Variants in MRPL19 observed in about 807,000 individuals in gnomAD.
MRPL19 encodes the protein mitochondrial ribosomal protein L19.
MRPL19 carries 31 observed loss-of-function variants against 34.0 expected under a neutral mutation model. That is an observed-to-expected ratio of 0.91 (90% CI 0.68 to 1.23). The LOEUF (loss-of-function observed/expected upper bound fraction) is 1.23, where lower values mean the gene tolerates loss of function less well. Ranked by LOEUF, MRPL19 falls within the 50% of genes most tolerant of loss-of-function variation. The pLI, the probability that MRPL19 is intolerant of heterozygous loss-of-function variation, is 0.00. For synonymous variants in MRPL19, 152 were observed against 127.7 expected (o/e 1.19, Z -1.28); for missense variants, 384 against 367.6 (o/e 1.04, Z -0.37).
intron 2 of MRPL19, among the ~76,000 whole-genome samples, chr2:75,648,548 A>G (rs1475226498): frequency 1.3e-5 from 2 of 152,162 alleles, no homozygotes; most frequent in Non-Finnish European, 2.9e-5. Context: ...ATGTAGTAGG[A>G]TGCTATTTTT....
chr2:75,651,001 G>C (rs985540976), intron 2 of MRPL19, among the ~76,000 whole-genome samples: 7 of 152,304 alleles, frequency 4.6e-5, no homozygotes, highest in South Asian at 2.1e-4. Context: ...GGCCTCTGCT[G>C]TTCTGGGAAG....
Position 75,659,852 on chromosome 2 carries a change from C to G in MRPL19, c.*4567C>G, listed in dbSNP as rs1678562133. ...GATTATAACGCGGCTCAGTGTGGGT[C>G]TCTGAGTTTATCCCACTTAGAGTTT... On this transcript the variant is annotated 3_prime_UTR_variant, in exon 6 of 6. Transcript: ENST00000393909. Among the ~76,000 whole-genome samples the G allele has an allele frequency of 6.6e-6, 1 of 152,106 alleles. No homozygotes were observed. Among genetic ancestry groups the G allele is most frequent in the African/African-American group, 2.4e-5 (1 of 41,438 alleles).
intron 1 of MRPL19, 32 bp from the exon 2 acceptor site, chr2:75,647,070 A>G: frequency 1.9e-6 from 3 of 1,552,536 alleles, no homozygotes; most frequent in East Asian, 2.3e-5. Flanking sequence ...GGTTGGCACG[A>G]GAGTTCTGAC....
At position 75,646,829 on chromosome 2, in the gene MRPL19, G is replaced by T; in HGVS notation, c.22G>T (p.Gly8Trp). 2 of 1,573,716 alleles carry T rather than the reference G, an allele frequency of 1.3e-6. No individual in the cohort carries two copies. Among genetic ancestry groups the T allele is most frequent in the Non-Finnish European group, 8.6e-7 (1 of 1,159,432 alleles). Reference sequence around the variant, plus strand: ...TGGCATGGCGGCCTGCATTGCAGCGGGGCACTGGGCTGCAATGGGCCTAGG... The same window carrying T: ...TGGCATGGCGGCCTGCATTGCAGCGTGGCACTGGGCTGCAATGGGCCTAGG... MAACIAA[G>W]HWAAMGLGRS... Residue 8 changes from glycine (G) to tryptophan (W), a missense_variant, in exon 1 of 6, where the codon GGG (glycine) becomes TGG (tryptophan). By Grantham distance (184) the Gly-to-Trp change is radical. Transcript: ENST00000393909.
Position 75,652,183 on chromosome 2 carries a change from A to G in MRPL19, c.263A>G (p.Asp88Gly). The change falls in exon 3 of 6, where the codon GAT becomes GGT. Residue 88 changes from aspartate to glycine, a missense_variant. By Grantham distance (94) the Asp-to-Gly change is moderately conservative. Transcript: ENST00000393909. ...TTCATTCCTCGAAGGGGAAGAACAGATCCTCTGAAATTTCAAATAGAAAGA... is the reference window on the plus strand; with the variant it reads ...TTCATTCCTCGAAGGGGAAGAACAGGTCCTCTGAAATTTCAAATAGAAAGA... ...PEFIPRRGRT[D>G]PLKFQIERKD... The G allele has an allele frequency of 1.9e-6, 3 of 1,605,850 alleles. No individual in the cohort carries two copies. The highest frequency in any genetic ancestry group is 2.6e-6 in the Non-Finnish European group (3 of 1,175,546).
chr2:75,656,018 C>G lies in MRPL19; in HGVS notation c.*733C>G, dbSNP rs888131678. On this transcript the variant is annotated 3_prime_UTR_variant, in exon 6 of 6. Transcript: ENST00000393909. ...AGAGTTTACAGAGGCCAATTTTGAG[C>G]AAATTCATGGCTAAGGTTATGAGTG... 5.3e-5 allele frequency: 8 copies of G among 152,174 alleles called. No homozygotes were observed. Among genetic ancestry groups the G allele is most frequent in the Non-Finnish European group, 1.2e-4 (8 of 68,054 alleles). The allele number at this position is 152,174 out of a possible 1,614,324, so 9.4% of individuals were successfully genotyped here.
At position 75,654,934 on chromosome 2, in the gene MRPL19, T is replaced by C. The variant is rs180701936; in HGVS notation, c.657+17T>C. ...GTTAATGAGGTATGGGTTATACATT[T>C]GAAACTAGAAGTTCAAGTATAAAAT... On this transcript the variant is annotated intron_variant, in intron 5 of 5. Transcript: ENST00000393909. The C allele has an allele frequency of 7.0e-6, 11 of 1,578,002 alleles. No homozygotes were observed. The African/African-American group carries it at 1.1e-4, about 16-fold the overall frequency.
In MRPL19 at chr2:75,647,084, C is replaced by T. The variant is rs182071884; in HGVS notation, c.104-18C>T. ...GGGTTGGCACGAGAGTTCTGACCTCCGTCGTCCGCTCCCGCAGGGGTCCAC... is the reference window on the plus strand; with the variant it reads ...GGGTTGGCACGAGAGTTCTGACCTCTGTCGTCCGCTCCCGCAGGGGTCCAC... On this transcript the variant is annotated intron_variant, in intron 1 of 5. Transcript: ENST00000393909. The T allele has an allele frequency of 1.9e-4, 301 of 1,569,526 alleles. 1 individual carries two copies. The African/African-American group carries it at 3.6e-3, about 19-fold the overall frequency.
At chr2:75,648,205 G>T (rs983799588) in intron 2 of MRPL19, among the ~76,000 whole-genome samples, 6 of 152,140 alleles carry the variant, frequency 3.9e-5, no homozygotes, top group African/African-American at 1.4e-4. Flanking sequence ...GCATTTAATA[G>T]AATTCACTTA....
In MRPL19 at chr2:75,658,612, G is replaced by A. The variant is rs1183461442; in HGVS notation, c.*3327G>A. On this transcript the variant is annotated 3_prime_UTR_variant, in exon 6 of 6. Transcript: ENST00000393909. ...AGTGTGTTAATTTCTACATGTTTAT[G>A]AATTTCCCACTGTTTTTTTGTTATT... 3.9e-5 allele frequency among the ~76,000 whole-genome samples: 6 copies of A among 152,082 alleles called. No homozygotes were observed. The highest frequency in any genetic ancestry group is 8.8e-5 in the Non-Finnish European group (6 of 67,986).
rs1259996744 is a variant in MRPL19 at position 75,660,088 on chromosome 2, T to C, written c.*4803T>C. Among the ~76,000 whole-genome samples the C allele has an allele frequency of 6.6e-6, 1 of 152,164 alleles. No individual in the cohort carries two copies. Among genetic ancestry groups the C allele is most frequent in the East Asian group, 1.9e-4 (1 of 5,204 alleles). On this transcript the variant is annotated 3_prime_UTR_variant, in exon 6 of 6. Transcript: ENST00000393909. Reference sequence around the variant, plus strand: ...TGATTATTGCAGTTGCCCTTCTTTTTATTTTTTTCAAGTTTGTTGATTCTT... The same window carrying C: ...TGATTATTGCAGTTGCCCTTCTTTTCATTTTTTTCAAGTTTGTTGATTCTT...
In MRPL19 at chr2:75,652,285, T is replaced by C. The variant is rs764783287; in HGVS notation, c.340+25T>C. The C allele has an allele frequency of 3.5e-6, 5 of 1,447,612 alleles. No homozygotes were observed. The South Asian group carries it at 6.1e-5, about 18-fold the overall frequency. 89.7% of individuals were successfully genotyped at this position (1,447,612 alleles called of 1,614,324 possible). On this transcript the variant is annotated intron_variant, in intron 3 of 5. Coordinates refer to ENST00000393909, the MANE Select transcript of MRPL19 (RefSeq NM_014763.4). ...GGTCAGTAAGAGCTGTATGTTTTTA[T>C]TATTAGTAATTAGGATGGCTAGTTT...
chr2:75,650,301 A>G (rs1204308971), intron 2 of MRPL19, among the ~76,000 whole-genome samples: 2 of 152,160 alleles, frequency 1.3e-5, no homozygotes, highest in Admixed American at 6.5e-5. Context: ...GAAGATTATT[A>G]TTTTTTAAGC....
rs551447567 is a variant in MRPL19, at chr2:75,647,517, T to A, written c.221+298T>A. On this transcript the variant is annotated intron_variant, in intron 2 of 5. Coordinates refer to ENST00000393909, the MANE Select transcript of MRPL19 (RefSeq NM_014763.4). Reference sequence around the variant, plus strand: ...GAGTTTTTCTCTGAGGTATATCCTGTTTATACCTGTTTACGTCCAAGAGCT... The same window carrying A: ...GAGTTTTTCTCTGAGGTATATCCTGATTATACCTGTTTACGTCCAAGAGCT... 6.9e-4 allele frequency: 206 copies of A among 300,226 alleles called. 1 individual carries two copies. In the South Asian group the frequency reaches 0.017, roughly 25 times the overall value. 18.6% of individuals were successfully genotyped at this position (300,226 alleles called of 1,614,324 possible).
intron 4 of MRPL19, among the ~76,000 whole-genome samples, chr2:75,654,056 C>T (rs1678385717): frequency 6.6e-6 from 1 of 152,292 alleles, no homozygotes; most frequent in African/African-American, 2.4e-5. Context: ...CAAAATGCTA[C>T]AGGCTGGGTA....
rs146642754 is a variant in MRPL19, at chr2:75,655,833, C to T, written c.*548C>T. 6.6e-6 allele frequency: 1 copy of T among 151,938 alleles called. No homozygotes were observed. The highest frequency in any genetic ancestry group is 2.4e-5 in the African/African-American group (1 of 41,396). The allele number at this position is 151,938 out of a possible 1,614,324, so 9.4% of individuals were successfully genotyped here. A position where few individuals can be genotyped will look rare whatever the true frequency, so the allele number is the denominator to read the frequency against. Reference sequence around the variant, plus strand: ...ATTCCCTTGCATTTCTTTTAGTTTACTGCCAACACATATATTCTTCAACAA... The same window carrying T: ...ATTCCCTTGCATTTCTTTTAGTTTATTGCCAACACATATATTCTTCAACAA... On this transcript the variant is annotated 3_prime_UTR_variant, in exon 6 of 6. Transcript: ENST00000393909.
intron 2 of MRPL19, among the ~76,000 whole-genome samples, chr2:75,648,307 A>G (rs115697791): frequency 9.8e-4 from 150 of 152,300 alleles, no homozygotes; most frequent in African/African-American, 3.4e-3. Flanking sequence ...AAAGCACACA[A>G]CTTAAACTCC....
chr2:75,653,230 A>T (rs1333924145), intron 4 of MRPL19, among the ~76,000 whole-genome samples: 2 of 152,238 alleles, frequency 1.3e-5, no homozygotes, highest in African/African-American at 4.8e-5. Flanking sequence ...TGTGTGCTTC[A>T]TGAAGTTCCA....
Position 75,655,340 on chromosome 2 carries a change from A to G in MRPL19, c.*55A>G. On this transcript the variant is annotated 3_prime_UTR_variant, in exon 6 of 6. Transcript: ENST00000393909. ...AGATACATTGGCTCTAAGAGGATATATTTTGAGACCAATTTAATTTCATTT... is the reference window on the plus strand; with the variant it reads ...AGATACATTGGCTCTAAGAGGATATGTTTTGAGACCAATTTAATTTCATTT... The G allele has an allele frequency of 7.9e-7, 1 of 1,259,856 alleles. No individual in the cohort carries two copies. Among genetic ancestry groups the G allele is most frequent in the Non-Finnish European group, 1.1e-6 (1 of 885,078 alleles). 78.0% of individuals were successfully genotyped at this position (1,259,856 alleles called of 1,614,324 possible).
Sources: allele counts gnomAD v4.1 joint callset (sites outside exome capture counted in the v4.1 genomes callset), GRCh38; gene constraint gnomAD v4.1.1; transcripts MANE v1.5; gene names NCBI Gene and HGNC (gene_info 2026-07-23, HGNC 2026-07-21).